The following MYH9 variants were observed in gnomAD, a reference collection of about 807,000 sequenced individuals.
MYH9 encodes myosin heavy chain 9, also known as myosin-9.
Under a neutral mutation model 241.9 loss-of-function variants are expected in MYH9, and 29 were observed. That is an observed-to-expected ratio of 0.12 (90% confidence interval 0.09 to 0.16). The LOEUF (loss-of-function observed/expected upper bound fraction) is 0.16, where lower values mean the gene tolerates loss of function less well. Ranked by LOEUF, MYH9 falls within the 10% of genes least tolerant of loss-of-function variation. The pLI is 1.00. For synonymous variants in MYH9, 1,047 were observed against 1,062.6 expected (o/e 0.99, Z 0.29); for missense variants, 1,803 against 2,595.5 (o/e 0.69, Z 6.63).
chr22:36,350,805 T>C (rs980850187), intron 1 of MYH9, among the ~76,000 whole-genome samples: 3 of 152,202 alleles, frequency 2.0e-5, no homozygotes, highest in African/African-American at 7.2e-5. Context: ...TGGGATCACC[T>C]GAGGTGACTA....
chr22:36,318,830 T>C (rs2017202994), intron 10 of MYH9, among the ~76,000 whole-genome samples: 1 of 152,060 alleles, frequency 6.6e-6, no homozygotes, highest in Non-Finnish European at 1.5e-5. Context: ...GTGGCGCGAT[T>C]TCGGCTCACT....
chr22:36,366,834 C>T (rs1276532713), intron 1 of MYH9, among the ~76,000 whole-genome samples: 1 of 152,132 alleles, frequency 6.6e-6, no homozygotes, highest in Non-Finnish European at 1.5e-5. Context: ...TGATGAGCCC[C>T]AGGAAAGTGA....
At chr22:36,298,861 ACCGCCAGCCCTTGC>A (rs1324473683) in intron 24 of MYH9, 44 bp downstream of exon 24, 54 of 1,606,232 alleles carry the variant, frequency 3.4e-5, no homozygotes, top group Middle Eastern at 2.0e-4. Context: ...CCGGCCCCTG[ACCGCCAGCCCTTGC>A]CCGCCAGCCC....
Position 36,317,477 on chromosome 22 carries a change from G to A in MYH9, c.1227+730C>T, listed in dbSNP as rs565261628. 1.1e-4 allele frequency among the ~76,000 whole-genome samples: 17 copies of A among 152,260 alleles called. 1 individual carries two copies. The highest frequency in any genetic ancestry group is 8.3e-4 in the South Asian group (4 of 4,816). On this transcript the variant is annotated intron_variant, in intron 11 of 40. Coordinates refer to ENST00000216181, the MANE Select transcript of MYH9 (RefSeq NM_002473.6). ...AACGAACAGGTGGCAGGAATAATAC[G>A]CGATGTCTTTTGAAAACAACAGTCT...
intron 1 of MYH9, among the ~76,000 whole-genome samples, chr22:36,380,499 G>A (rs1180206652): frequency 1.3e-5 from 2 of 152,198 alleles, no homozygotes; most frequent in South Asian, 2.1e-4. Context: ...CCACCACTTC[G>A]GGAGGCCAAG....
intron 3 of MYH9, among the ~76,000 whole-genome samples, chr22:36,331,513 G>C (rs982002985): frequency 1.3e-5 from 2 of 152,194 alleles, no homozygotes; most frequent in African/African-American, 2.4e-5. Context: ...AGGGAGGAAG[G>C]GGAACCTGAC....
intron 15 of MYH9, among the ~76,000 whole-genome samples, 192 bp downstream of exon 15, chr22:36,309,090 G>A (rs1478801982): frequency 6.6e-6 from 1 of 152,220 alleles, no homozygotes; most frequent in Admixed American, 6.5e-5. Flanking sequence ...CACGGTGTGT[G>A]CGCAAGGGCA....
In MYH9 at chr22:36,341,392, G is replaced by A. The variant is rs727503293; in HGVS notation, c.468C>T (p.Thr156=). 35 of 1,613,998 alleles carry A rather than the reference G, an allele frequency of 2.2e-5. No individual in the cohort carries two copies. Among genetic ancestry groups the A allele is most frequent in the South Asian group, 2.0e-4 (18 of 91,078 alleles). ...MPPHIYAITD[T]AYRSMMQDRE... The stretch of plus-strand genomic sequence containing the variant: ...CACCTTGCATCATACTCCTGTAGGC[G>A]GTGTCTGTGATGGCATAGATGTGAG... Residue 156 remains threonine (T), a synonymous_variant, in exon 3 of 41, where the codon ACC becomes ACT. Transcript: ENST00000216181.
intron 27 of MYH9, 36 bp from the exon 28 acceptor site, chr22:36,294,334 C>T (rs1256824095): frequency 1.9e-6 from 3 of 1,603,630 alleles, no homozygotes; most frequent in Non-Finnish European, 2.6e-6. Context: ...GAGTGGGGGC[C>T]TCCTGACACA....
Position 36,316,569 on chromosome 22 carries a change from T to C in MYH9, c.1328A>G (p.Gln443Arg). 6.2e-7 allele frequency: 1 copy of C among 1,614,140 alleles called. No homozygotes were observed. Among genetic ancestry groups the C allele is most frequent in the Non-Finnish European group, 8.5e-7 (1 of 1,180,038 alleles). Reference sequence around the variant, plus strand: ...CAGGATCCCGATGAAGGAGGCGCCCTGCCTCTTGGTCTTGTCCAGAGCCTT... The same window carrying C: ...CAGGATCCCGATGAAGGAGGCGCCCCGCCTCTTGGTCTTGTCCAGAGCCTT... ...INKALDKTKRQGASFIGILDI... is the reference protein window; with the variant it reads ...INKALDKTKRRGASFIGILDI... Residue 443 changes from glutamine (Q) to arginine (R), a missense_variant, in exon 12 of 41, where the codon CAG becomes CGG. By Grantham distance (43) the Gln-to-Arg change is conservative. Coordinates refer to ENST00000216181, the MANE Select transcript of MYH9 (RefSeq NM_002473.6).
Position 36,285,539 on chromosome 22 carries a change from C to G in MYH9, c.5274+119G>C. The G allele has an allele frequency of 6.6e-7, 1 of 1,509,994 alleles. No homozygotes were observed. Among genetic ancestry groups the G allele is most frequent in the Non-Finnish European group, 9.0e-7 (1 of 1,112,346 alleles). 93.5% of individuals were successfully genotyped at this position (1,509,994 alleles called of 1,614,324 possible). On this transcript the variant is annotated intron_variant, in intron 37 of 40. Transcript: ENST00000216181. The surrounding 1 kb of genome is among the most constrained non-coding windows in gnomAD (Gnocchi z 7.0). ...CAGGTCCAGGTGCCTGGACATTTTC[C>G]CCTAAGCGCCTGGGGAGCAGCTGGC...
intron 5 of MYH9, among the ~76,000 whole-genome samples, 187 bp downstream of exon 5, chr22:36,326,381 G>T (rs1437500962): frequency 6.6e-6 from 1 of 152,244 alleles, no homozygotes; most frequent in East Asian, 1.9e-4. Flanking sequence ...GATGGAATGG[G>T]CTTGCTACCG....
At chr22:36,334,956 G>A (rs1432643391) in intron 3 of MYH9, among the ~76,000 whole-genome samples, 9 of 152,166 alleles carry the variant, frequency 5.9e-5, no homozygotes, top group African/African-American at 1.4e-4. Flanking sequence ...TCTCCTCCAC[G>A]ACACACTTCC....
chr22:36,323,752 ACCCCCCAACCCAGG>A (rs1439868057), intron 5 of MYH9, among the ~76,000 whole-genome samples: 3 of 151,854 alleles, frequency 2.0e-5, no homozygotes, highest in African/African-American at 7.3e-5. Flanking sequence ...CTAGGCCAGG[ACCCCCCAACCCAGG>A]GCTAGGAAGC....
intron 24 of MYH9, among the ~76,000 whole-genome samples, chr22:36,298,277 A>G (rs1471309909): frequency 6.6e-6 from 1 of 152,054 alleles, no homozygotes; most frequent in African/African-American, 2.4e-5. Flanking sequence ...CTCAAGGGGC[A>G]GGGCTGGGGG....
At chr22:36,383,935 G>C (rs2018298511) in intron 1 of MYH9, among the ~76,000 whole-genome samples, 1 of 149,882 alleles carries the variant, frequency 6.7e-6, no homozygotes, top group African/African-American at 2.5e-5. Context: ...ACTCCAGCCT[G>C]GGTGACAGAG....
At position 36,300,246 on chromosome 22, in the gene MYH9, C is replaced by T. The variant is rs1219581491; in HGVS notation, c.2857G>A (p.Glu953Lys). Residue 953 changes from glutamate (E) to lysine (K), a missense_variant, in exon 23 of 41, where the codon GAG (glutamate) becomes AAG (lysine). Around this residue, in one of 11 missense-constraint regions of MYH9, gnomAD observed 290 missense variants for 360.5 expected, o/e 0.80. Transcript: ENST00000216181. This position sits in a 1 kb window ranked among gnomAD's most constrained non-coding sequence, Gnocchi z 5.0. ...QNIQELEEQL[E>K]EEESARQKLQ... is the part of the protein sequence containing the mutation. ...TTCTGCCGGGCGCTCTCCTCCTCCT[C>T]CAGCTGCTCCTCAAGCTCCTGCCGG... The T allele has an allele frequency of 6.2e-7, 1 of 1,613,288 alleles. No homozygotes were observed. Among genetic ancestry groups the T allele is most frequent in the African/African-American group, 1.3e-5 (1 of 74,946 alleles).
At chr22:36,309,856 A>C (rs1603483227) in intron 14 of MYH9, among the ~76,000 whole-genome samples, 1 of 152,190 alleles carries the variant, frequency 6.6e-6, no homozygotes, top group Non-Finnish European at 1.5e-5. Context: ...TCTTTTTGGA[A>C]ATATATTCTG....
intron 10 of MYH9, among the ~76,000 whole-genome samples, chr22:36,318,960 C>T (rs1849438518): frequency 6.6e-6 from 1 of 152,114 alleles, no homozygotes; most frequent in African/African-American, 2.4e-5. Context: ...GATGGGGTTT[C>T]ACAATGTTGG....
Sources: allele counts gnomAD v4.1 joint callset (sites outside exome capture counted in the v4.1 genomes callset), GRCh38; gene constraint gnomAD v4.1.1; regional missense constraint gnomAD v4.1.1; non-coding constraint Gnocchi (gnomAD v3.1); transcripts MANE v1.5; gene names NCBI Gene and HGNC (gene_info 2026-07-23, HGNC 2026-07-21).